Variants in SEZ6L observed in about 807,000 individuals in gnomAD.
SEZ6L encodes the protein seizure 6-like protein.
A neutral mutation model predicts 106.2 loss-of-function variants in SEZ6L; 37 were observed. The observed-to-expected ratio is 0.35, with a 90% CI of 0.27 to 0.46. The LOEUF (loss-of-function observed/expected upper bound fraction) is 0.46. Ranked by LOEUF, SEZ6L falls within the 20% of genes least tolerant of loss-of-function variation. SEZ6L has a pLI of 1.00. For missense variants in SEZ6L, 1,172 were observed against 1,332.8 expected, an observed-to-expected ratio of 0.88 and a Z score of 1.88; for synonymous variants, 541 against 570.4, an observed-to-expected ratio of 0.95 and a Z score of 0.73.
chr22:26,284,699 C>G (rs537405603), intron 1 of SEZ6L, among the ~76,000 whole-genome samples: 16 of 146,322 alleles, frequency 1.1e-4, no homozygotes, highest in African/African-American at 4.0e-4. Context: ...GATTGGTGAA[C>G]AGAACGTAGG....
intron 9 of SEZ6L, among the ~76,000 whole-genome samples, chr22:26,335,616 G>A (rs987782243): frequency 3.9e-5 from 6 of 152,102 alleles, no homozygotes; most frequent in Admixed American, 3.9e-4. Context: ...CACCCTTTCA[G>A]TAGGAAGCCA....
chr22:26,319,499 T>G (rs767723011), intron 9 of SEZ6L, among the ~76,000 whole-genome samples: 5 of 152,196 alleles, frequency 3.3e-5, no homozygotes, highest in Non-Finnish European at 4.4e-5. Flanking sequence ...CTCTTCTCCT[T>G]TCTGTATGGT....
chr22:26,365,052 C>T (rs1568947514), intron 12 of SEZ6L: 2 of 210,632 alleles, frequency 9.5e-6, no homozygotes, highest in East Asian at 9.5e-5. Flanking sequence ...TTACTTTGAT[C>T]GTCGTTATGC....
chr22:26,316,180 C>T (rs1207697406), intron 9 of SEZ6L, among the ~76,000 whole-genome samples: 1 of 152,208 alleles, frequency 6.6e-6, no homozygotes, highest in Non-Finnish European at 1.5e-5. Flanking sequence ...GTTTGAGTGT[C>T]TACTATCAAC....
intron 9 of SEZ6L, among the ~76,000 whole-genome samples, chr22:26,339,204 T>G (rs2082746409): frequency 6.6e-6 from 1 of 152,072 alleles, no homozygotes; most frequent in Non-Finnish European, 1.5e-5. Context: ...CTGTGACCCT[T>G]CTGAGCTCAG....
intron 1 of SEZ6L, among the ~76,000 whole-genome samples, chr22:26,184,732 G>A (rs1268717012): frequency 6.6e-6 from 1 of 152,024 alleles, no homozygotes; most frequent in African/African-American, 2.4e-5. Flanking sequence ...TGCATAATGG[G>A]GTAGAAACAA....
intron 12 of SEZ6L, among the ~76,000 whole-genome samples, chr22:26,361,277 C>T (rs1474661518): frequency 4.0e-5 from 6 of 149,840 alleles, no homozygotes; most frequent in Non-Finnish European, 8.9e-5. Flanking sequence ...GCGGATGGAT[C>T]ACTTGAGGTC....
intron 13 of SEZ6L, among the ~76,000 whole-genome samples, chr22:26,370,244 G>T (rs2083982361): frequency 1.3e-5 from 2 of 152,094 alleles, no homozygotes; most frequent in Admixed American, 6.5e-5. Context: ...ATTTAGCCGG[G>T]TGTGGTGGCG....
chr22:26,199,232 A>G (rs773721269), intron 1 of SEZ6L, among the ~76,000 whole-genome samples: 7 of 152,212 alleles, frequency 4.6e-5, no homozygotes, highest in Non-Finnish European at 8.8e-5. Context: ...GTTAAAGCCT[A>G]TGGCGCAAAA....
At chr22:26,298,557 T>C (rs185862967) in intron 4 of SEZ6L, among the ~76,000 whole-genome samples, 7 of 152,346 alleles carry the variant, frequency 4.6e-5, no homozygotes, top group Non-Finnish European at 1.0e-4. Context: ...CGAGCTTTCA[T>C]ATCCTTGGGC....
intron 5 of SEZ6L, among the ~76,000 whole-genome samples, chr22:26,304,366 A>AAAG (rs1157196182): frequency 2.3e-5 from 2 of 85,318 alleles, no homozygotes; most frequent in East Asian, 2.4e-4. Flanking sequence ...AAAAAAAAAG[A>AAAG]AAGAAGAAAG....
intron 12 of SEZ6L, among the ~76,000 whole-genome samples, chr22:26,358,863 T>C (rs950074367): frequency 1.3e-5 from 2 of 152,208 alleles, no homozygotes; most frequent in Non-Finnish European, 2.9e-5. Context: ...GGGCCCAGGA[T>C]GCTGCTCAAT....
chr22:26,313,039 T>C (rs188776121), intron 8 of SEZ6L, among the ~76,000 whole-genome samples: 2 of 152,246 alleles, frequency 1.3e-5, no homozygotes, highest in African/African-American at 4.8e-5. Context: ...AATGTGCCGA[T>C]TTAACAGAGC....
chr22:26,361,951 T>A (rs2083649869), intron 12 of SEZ6L, among the ~76,000 whole-genome samples: 1 of 152,108 alleles, frequency 6.6e-6, no homozygotes, highest in Non-Finnish European at 1.5e-5. Flanking sequence ...GAGGAATCAT[T>A]AGAATATGAT....
intron 1 of SEZ6L, among the ~76,000 whole-genome samples, chr22:26,220,797 A>T (rs1453381240): frequency 1.3e-5 from 2 of 152,160 alleles, no homozygotes; most frequent in Admixed American, 1.3e-4. Flanking sequence ...CCCAGTAAGC[A>T]CTCAGGTAGC....
intron 1 of SEZ6L, among the ~76,000 whole-genome samples, chr22:26,270,020 G>A (rs1010977052): frequency 3.3e-5 from 5 of 152,196 alleles, no homozygotes; most frequent in East Asian, 1.9e-4. Flanking sequence ...GACATGAAAA[G>A]TGGTTAAGGA....
intron 9 of SEZ6L, among the ~76,000 whole-genome samples, chr22:26,325,954 CAT>C (rs757289128): frequency 2.0e-5 from 3 of 147,972 alleles, no homozygotes; most frequent in Non-Finnish European, 3.0e-5. Flanking sequence ...CACACACACA[CAT>C]TGATCCCTCT....
At chr22:26,330,737 A>T (rs1387971766) in intron 9 of SEZ6L, among the ~76,000 whole-genome samples, 2 of 143,212 alleles carry the variant, frequency 1.4e-5, no homozygotes, top group African/African-American at 5.2e-5. Context: ...TTTTTGTGTT[A>T]CCGTTTTTGT....
chr22:26,221,757 C>T (rs2078480374), intron 1 of SEZ6L, among the ~76,000 whole-genome samples: 1 of 152,096 alleles, frequency 6.6e-6, no homozygotes, highest in Admixed American at 6.5e-5. Flanking sequence ...CACACACACA[C>T]ACACACACAC....
Sources: allele counts gnomAD v4.1 joint callset (sites outside exome capture counted in the v4.1 genomes callset), GRCh38; gene constraint gnomAD v4.1.1; transcripts MANE v1.5; gene names NCBI Gene and HGNC (gene_info 2026-07-23, HGNC 2026-07-21).